MAST4: variants seen among roughly 807,000 people sequenced by gnomAD.
MAST4 encodes microtubule associated serine/threonine kinase family member 4.
MAST4 carries 89 observed loss-of-function variants against 162.7 expected under a neutral mutation model. The ratio of observed to expected loss-of-function variants is 0.55; its 90% CI spans 0.46 to 0.65. MAST4 has a LOEUF of 0.65. Among genes scored for constraint, MAST4 ranks in the 30% least tolerant of loss-of-function variants. The pLI is 0.00. For missense variants in MAST4, 3,153 were observed against 3,374.0 expected (o/e 0.93, Z 1.62); for synonymous variants, 1,479 against 1,361.1 (o/e 1.09, Z -1.91).
At chr5:66,616,693 CTG>C (rs1284586245) in intron 1 of MAST4, among the ~76,000 whole-genome samples, 1 of 152,200 alleles carries the variant, frequency 6.6e-6, no homozygotes, top group Non-Finnish European at 1.5e-5. Context: ...GCCGGGGCCT[CTG>C]TGTGAAGGAA....
At chr5:66,715,625 T>C (rs1275929278) in intron 1 of MAST4, among the ~76,000 whole-genome samples, 2 of 148,662 alleles carry the variant, frequency 1.3e-5, no homozygotes, top group Non-Finnish European at 3.0e-5. Context: ...ACATATATAA[T>C]AAACCTGCAC....
At position 66,755,497 on chromosome 5, in the gene MAST4, G is replaced by C. The variant is rs142085851; in HGVS notation, c.364-4212G>C. Among the ~76,000 whole-genome samples, 424 of 152,292 alleles carry C rather than the reference G, an allele frequency of 2.8e-3. 1 individual carries two copies. The highest frequency in any genetic ancestry group is 3.4e-3 in the Middle Eastern group (1 of 294). ...CTAATATGCCTTTTTATAGACAGAT[G>C]GGTGGTATTACTAGGGCATATAGCC... On this transcript the variant is annotated intron_variant, in intron 1 of 28. Transcript: ENST00000403625.
At chr5:66,751,302 CTT>C (rs1479802380) in intron 1 of MAST4, among the ~76,000 whole-genome samples, 1 of 152,220 alleles carries the variant, frequency 6.6e-6, no homozygotes, top group Non-Finnish European at 1.5e-5. Context: ...TGGAGAATGA[CTT>C]TGACGAGCTG....
At chr5:67,035,993 G>A (rs1047831208) in intron 4 of MAST4, among the ~76,000 whole-genome samples, 11 of 152,114 alleles carry the variant, frequency 7.2e-5, no homozygotes, top group African/African-American at 2.4e-4. Context: ...TGCACTCCCT[G>A]TGGGAGTGTC....
intron 3 of MAST4, among the ~76,000 whole-genome samples, chr5:66,854,102 G>A (rs1759504334): frequency 6.6e-6 from 1 of 152,094 alleles, no homozygotes; most frequent in Admixed American, 6.5e-5. Context: ...TGCCCAGGCT[G>A]GTCTTAACCT....
chr5:66,788,778 C>T lies in MAST4; in HGVS notation c.626C>T (p.Ser209Leu), dbSNP rs1372591292. Reference sequence around the variant, plus strand: ...CAGGCCCTGGGCCAGTCGGCGCCCTCGCTCACCGCCAGCCTGGTGAGTGTC... The same window carrying T: ...CAGGCCCTGGGCCAGTCGGCGCCCTTGCTCACCGCCAGCCTGGTGAGTGTC... Reference protein sequence around the residue: ...RSQALGQSAPSLTASLKELSL... With the variant: ...RSQALGQSAPLLTASLKELSL... Residue 209 changes from serine (S) to leucine (L), a missense_variant, in exon 3 of 29, where the codon TCG becomes TTG. By Grantham distance (145) the Ser-to-Leu change is moderately radical. Coordinates refer to ENST00000403625, the MANE Select transcript of MAST4 (RefSeq NM_001164664.2). 8 of 1,594,262 alleles carry T rather than the reference C, an allele frequency of 5.0e-6. No homozygotes were observed. Among genetic ancestry groups the T allele is most frequent in the Admixed American group, 1.7e-5 (1 of 57,598 alleles).
intron 3 of MAST4, among the ~76,000 whole-genome samples, chr5:66,859,469 C>T (rs925985777): frequency 1.3e-5 from 2 of 152,166 alleles, no homozygotes; most frequent in Non-Finnish European, 2.9e-5. Flanking sequence ...CCTACCACCC[C>T]TGTCCTTTCT....
intron 4 of MAST4, among the ~76,000 whole-genome samples, chr5:67,022,708 C>G (rs772684188): frequency 6.6e-6 from 1 of 152,058 alleles, no homozygotes; most frequent in East Asian, 1.9e-4. Flanking sequence ...TGTTCAAATA[C>G]GAAACATTAC....
intron 4 of MAST4, among the ~76,000 whole-genome samples, chr5:67,024,369 A>G (rs893144923): frequency 4.7e-5 from 7 of 149,082 alleles, no homozygotes; most frequent in Admixed American, 2.7e-4. Flanking sequence ...ATAGATAGCT[A>G]TATATGTACA....
chr5:67,022,460 G>A (rs1754103001), intron 4 of MAST4, among the ~76,000 whole-genome samples: 1 of 151,914 alleles, frequency 6.6e-6, no homozygotes, highest in African/African-American at 2.4e-5. Context: ...TTCATGTTTG[G>A]AATGAACATT....
intron 1 of MAST4, among the ~76,000 whole-genome samples, chr5:66,639,313 T>TGTGTGTGTGTGTGTGTGTG (rs1554037879): frequency 1.3e-4 from 19 of 151,104 alleles, no homozygotes; most frequent in African/African-American, 2.7e-4. Context: ...TGTGTGTGTG[T>TGTGTGTGTGTGTGTGTGTG]TTTAAGAAGA....
At chr5:67,060,728 C>T (rs1057180276) in intron 5 of MAST4, among the ~76,000 whole-genome samples, 58 of 152,182 alleles carry the variant, frequency 3.8e-4, no homozygotes, top group African/African-American at 9.6e-4. Context: ...CCACCTGCCT[C>T]GGCCTCCCAA....
intron 4 of MAST4, among the ~76,000 whole-genome samples, chr5:67,005,834 T>C (rs2150334817): frequency 6.6e-6 from 1 of 152,338 alleles, no homozygotes; most frequent in African/African-American, 2.4e-5. Context: ...GTTGTACTTT[T>C]AGAGGGGCAC....
At chr5:66,790,174 CT>C (rs901622253) in intron 3 of MAST4, among the ~76,000 whole-genome samples, 1 of 151,860 alleles carries the variant, frequency 6.6e-6, no homozygotes, top group African/African-American at 2.4e-5. Flanking sequence ...TGTATTGTGT[CT>C]TATAATTTTA....
chr5:66,700,872 G>T (rs943357100), intron 1 of MAST4, among the ~76,000 whole-genome samples: 4 of 151,030 alleles, frequency 2.6e-5, no homozygotes, highest in Non-Finnish European at 5.9e-5. Flanking sequence ...ACATATTCAA[G>T]TGTCCTTTTA....
chr5:66,825,204 T>C (rs1173375976), intron 3 of MAST4, among the ~76,000 whole-genome samples: 2 of 152,108 alleles, frequency 1.3e-5, no homozygotes, highest in Non-Finnish European at 2.9e-5. Context: ...TTCTTTAAGC[T>C]TTTTTCTATT....
At chr5:66,856,715 C>T (rs1161281360) in intron 3 of MAST4, among the ~76,000 whole-genome samples, 1 of 152,204 alleles carries the variant, frequency 6.6e-6, no homozygotes, top group African/African-American at 2.4e-5. Context: ...TGCATTTGCA[C>T]AAAGACAGCC....
chr5:67,112,023 T>G (rs1452157017), intron 11 of MAST4, among the ~76,000 whole-genome samples: 1 of 151,956 alleles, frequency 6.6e-6, no homozygotes, highest in African/African-American at 2.4e-5. Context: ...TACATTGGTT[T>G]GACTTTACTC....
At chr5:66,891,240 T>G (rs967628981) in intron 3 of MAST4, among the ~76,000 whole-genome samples, 3 of 152,142 alleles carry the variant, frequency 2.0e-5, no homozygotes, top group Admixed American at 6.5e-5. Flanking sequence ...TGTCCTGAGC[T>G]CCACCACAAC....
Sources: allele counts gnomAD v4.1 joint callset (sites outside exome capture counted in the v4.1 genomes callset), GRCh38; gene constraint gnomAD v4.1.1; transcripts MANE v1.5; gene names NCBI Gene and HGNC (gene_info 2026-07-23, HGNC 2026-07-21).